The following MAP3K7CL variants were observed in gnomAD, a reference collection of about 807,000 sequenced individuals.
MAP3K7CL encodes the protein MAP3K7 C-terminal like.
MAP3K7CL carries 16 observed loss-of-function variants against 18.6 expected under a neutral mutation model. That is an observed-to-expected ratio of 0.86 (90% CI 0.58 to 1.31). MAP3K7CL has a LOEUF of 1.31. Among genes scored for constraint, MAP3K7CL ranks in the 50% most tolerant of loss-of-function variants. The pLI is 0.00. For missense variants in MAP3K7CL, 163 were observed against 174.4 expected (o/e 0.93, Z 0.37); for synonymous variants, 65 against 66.8 (o/e 0.97, Z 0.13).
intron 4 of MAP3K7CL, among the ~76,000 whole-genome samples, chr21:29,112,528 T>C (rs2086436256): frequency 6.6e-6 from 1 of 152,044 alleles, no homozygotes; most frequent in Non-Finnish European, 1.5e-5. Flanking sequence ...ATATCTGACT[T>C]TATATTTATT....
chr21:29,108,375 T>C (rs992734155), intron 4 of MAP3K7CL, among the ~76,000 whole-genome samples: 2 of 152,204 alleles, frequency 1.3e-5, no homozygotes, highest in African/African-American at 4.8e-5. Flanking sequence ...GATCTTGGAC[T>C]TCCTAGCCTA....
chr21:29,117,094 C>T (rs2086516106), intron 4 of MAP3K7CL, among the ~76,000 whole-genome samples: 1 of 152,026 alleles, frequency 6.6e-6, no homozygotes, highest in African/African-American at 2.4e-5. Context: ...TGAAATCTGT[C>T]TTAACTATCA....
intron 4 of MAP3K7CL, among the ~76,000 whole-genome samples, chr21:29,093,545 G>T (rs779919566): frequency 3.4e-4 from 52 of 152,048 alleles, no homozygotes; most frequent in Non-Finnish European, 6.2e-4. Flanking sequence ...GCAGTGGCGT[G>T]ATCTCGGCTC....
chr21:29,144,287 C>T (rs2087076414), intron 2 of MAP3K7CL, among the ~76,000 whole-genome samples: 1 of 152,052 alleles, frequency 6.6e-6, no homozygotes, highest in African/African-American at 2.4e-5. Context: ...GTCTCAGCCT[C>T]CCGAGTAGCA....
chr21:29,138,665 T>C (rs1200168002), intron 2 of MAP3K7CL, among the ~76,000 whole-genome samples: 1 of 152,212 alleles, frequency 6.6e-6, no homozygotes, highest in African/African-American at 2.4e-5. Context: ...CTCAAGCTGG[T>C]AGCTTTTAAT....
intron 4 of MAP3K7CL, among the ~76,000 whole-genome samples, chr21:29,169,943 G>C (rs1408454147): frequency 6.6e-6 from 1 of 152,180 alleles, no homozygotes; most frequent in African/African-American, 2.4e-5. Context: ...CTATGTTACA[G>C]ATTCATGACT....
intron 3 of MAP3K7CL, among the ~76,000 whole-genome samples, chr21:29,159,579 C>T (rs1176933375): frequency 1.3e-5 from 2 of 152,230 alleles, no homozygotes; most frequent in Admixed American, 1.3e-4. Context: ...CCCACCACTG[C>T]TCTTCTCTAA....
intron 2 of MAP3K7CL, among the ~76,000 whole-genome samples, chr21:29,147,301 C>T (rs760744013): frequency 6.6e-6 from 1 of 151,824 alleles, no homozygotes; most frequent in Non-Finnish European, 1.5e-5. Flanking sequence ...AGTATATGCA[C>T]TGTATCTGTA....
chr21:29,088,898 G>A (rs1423623406), intron 1 of MAP3K7CL, among the ~76,000 whole-genome samples: 1 of 152,154 alleles, frequency 6.6e-6, no homozygotes, highest in East Asian at 1.9e-4. Context: ...CTGGCCAGGC[G>A]TGGTGGTTCA....
At chr21:29,129,021 G>A (rs2832202), upstream of MAP3K7CL, among the ~76,000 whole-genome samples, 73,877 of 151,892 alleles carry the variant, frequency 0.49, 18,248 homozygotes, top group East Asian at 0.67. Context: ...GATTAAGAAA[G>A]CCTGCTGAGT....
chr21:29,137,952 T>C lies in MAP3K7CL; in HGVS notation c.70+4538T>C, dbSNP rs1283492303. ...AGAGAATGGAAGAGGCATTTTATAA[T>C]GGTACAAAGTGATGAGAGCCTGCAT... On this transcript the variant is annotated intron_variant, in intron 2 of 4. Coordinates refer to ENST00000399928, the MANE Select transcript of MAP3K7CL (RefSeq NM_001286620.2). Among the ~76,000 whole-genome samples, 3 of 152,172 alleles carry C rather than the reference T, an allele frequency of 2.0e-5. No homozygotes were observed. The East Asian group carries it at 5.8e-4, about 29-fold the overall frequency.
In MAP3K7CL at chr21:29,149,200, C is replaced by G. The variant is rs1205598066; in HGVS notation, c.82C>G (p.Pro28Ala). 1.9e-6 allele frequency: 3 copies of G among 1,613,856 alleles called. No homozygotes were observed. Among genetic ancestry groups the G allele is most frequent in the East Asian group, 4.5e-5 (2 of 44,882 alleles). The part of the protein sequence containing the change: ...SLNDASDDTP[P>A]EDSIPLVFPE... ...TTTCCTTGTTTTAGATGATACACCC[C>G]CTGAAGACTCCATTCCTTTGGTCTT... The change falls in exon 3 of 5, where the codon CCT becomes GCT. Residue 28 changes from proline to alanine, a missense_variant. Transcript: ENST00000399928.
chr21:29,136,965 C>A (rs758376460), intron 2 of MAP3K7CL, among the ~76,000 whole-genome samples: 1 of 152,354 alleles, frequency 6.6e-6, no homozygotes, highest in South Asian at 2.1e-4. Flanking sequence ...CTACCTCCAA[C>A]ACTATTTGTA....
intron 4 of MAP3K7CL, 60 bp downstream of exon 4, chr21:29,160,116 G>A (rs2832224): frequency 0.25 from 337,454 of 1,353,344 alleles, 46,815 homozygotes; most frequent in East Asian, 0.64. Flanking sequence ...AGGACCAGGG[G>A]CAATGGGCAG....
At chr21:29,172,047 G>C (rs1265694848) in intron 4 of MAP3K7CL, among the ~76,000 whole-genome samples, 2 of 151,708 alleles carry the variant, frequency 1.3e-5, no homozygotes, top group African/African-American at 4.8e-5. Context: ...AAACACTTCA[G>C]TAAGTATAGT....
At chr21:29,142,358 C>T (rs765028279) in intron 2 of MAP3K7CL, among the ~76,000 whole-genome samples, 2 of 152,138 alleles carry the variant, frequency 1.3e-5, no homozygotes, top group African/African-American at 2.4e-5. Context: ...TGAGCCACTG[C>T]GCCTGGACAG....
At chr21:29,139,445 C>G (rs2086954851) in intron 2 of MAP3K7CL, 1 of 152,184 alleles carries the variant, frequency 6.6e-6, no homozygotes, top group Admixed American at 6.5e-5. Context: ...GTATTATTCC[C>G]CTTGTCCTCC....
chr21:29,091,863 A>T (rs2086035287), intron 3 of MAP3K7CL: 1 of 613,058 alleles, frequency 1.6e-6, no homozygotes, highest in Non-Finnish European at 2.9e-6. Context: ...TTAATTGTTT[A>T]TACATATAAT....
chr21:29,129,590 G>C (rs1404937348), upstream of MAP3K7CL, among the ~76,000 whole-genome samples: 3 of 152,122 alleles, frequency 2.0e-5, no homozygotes, highest in African/African-American at 7.2e-5. Context: ...TGAAGAACTT[G>C]GTTGCTTCCA....
Sources: allele counts gnomAD v4.1 joint callset (sites outside exome capture counted in the v4.1 genomes callset), GRCh38; gene constraint gnomAD v4.1.1; transcripts MANE v1.5; gene names NCBI Gene and HGNC (gene_info 2026-07-23, HGNC 2026-07-21).